ZNF26: variants seen among roughly 807,000 people sequenced by gnomAD.
The protein encoded by ZNF26 is zinc finger protein 26.
A neutral mutation model predicts 54.9 loss-of-function variants in ZNF26; 32 were observed. That is an observed-to-expected ratio of 0.58 (90% CI 0.44 to 0.78). The LOEUF (loss-of-function observed/expected upper bound fraction) is 0.78. Among genes scored for constraint, ZNF26 ranks in the 30% least tolerant of loss-of-function variants. The pLI is 0.00. For missense variants in ZNF26, 524 were observed against 634.0 expected (o/e 0.83, Z 1.86); for synonymous variants, 221 against 209.2 (o/e 1.06, Z -0.49).
In ZNF26 at chr12:133,011,088, TG is replaced by T; in HGVS notation, c.1212del (p.Lys405ArgfsTer37). The T allele has an allele frequency of 6.2e-7, 1 of 1,614,064 alleles. No homozygotes were observed. Among genetic ancestry groups the T allele is most frequent in the Non-Finnish European group, 8.5e-7 (1 of 1,179,990 alleles). Reference protein sequence around the residue: ...GEKPYGCSECGKAFSSKSYLV... With the variant: ...GEKPYGCSECXKAFSSKSYLV... ...AGAAGCCCTATGGATGCAGTGAATG[TG>T]GGAAGGCTTTCAGCAGCAAGTCATA... On this transcript the variant is annotated frameshift_variant, in exon 4 of 4. Coordinates refer to ENST00000328654, the MANE Select transcript of ZNF26 (RefSeq NM_019591.4). LOFTEE classifies it high-confidence loss of function.
rs1315619275 is a variant in ZNF26 at position 133,024,801 on chromosome 12, C to G, written c.*13320C>G. On this transcript the variant is annotated 3_prime_UTR_variant, in exon 4 of 4. Transcript: ENST00000328654. ...GGTCCCACAAAAGGCCCACTGAGAG[C>G]CCATAGTAGAGAAAGTCTTATTAAG... 3.9e-5 allele frequency: 6 copies of G among 152,040 alleles called. No homozygotes were observed. The highest frequency in any genetic ancestry group is 7.4e-5 in the Non-Finnish European group (5 of 68,008). 9.4% of individuals were successfully genotyped at this position (152,040 alleles called of 1,614,324 possible).
Position 133,011,904 on chromosome 12 carries a change from T to C in ZNF26, c.*423T>C, listed in dbSNP as rs367975688. ...GTATAAAGTTGTTTTTTTAAAAATA[T>C]GTAAATAATGTTCAGGAAAAACGCA... On this transcript the variant is annotated 3_prime_UTR_variant, in exon 4 of 4. Coordinates refer to ENST00000328654, the MANE Select transcript of ZNF26 (RefSeq NM_019591.4). 6.5e-6 allele frequency: 1 copy of C among 153,620 alleles called. No homozygotes were observed. Among genetic ancestry groups the C allele is most frequent in the African/African-American group, 2.4e-5 (1 of 41,460 alleles). The allele number at this position is 153,620 out of a possible 1,614,324, so 9.5% of individuals were successfully genotyped here. A position where few individuals can be genotyped will look rare whatever the true frequency, so the allele number is the denominator to read the frequency against.
At chr12:133,002,852 G>A (rs1953248654) in intron 1 of ZNF26, among the ~76,000 whole-genome samples, 1 of 151,938 alleles carries the variant, frequency 6.6e-6, no homozygotes, top group Non-Finnish European at 1.5e-5. Context: ...TCGAACTCCT[G>A]ACCTCAGGTG....
Position 133,001,192 on chromosome 12 carries a change from T to A in ZNF26, c.34-5850T>A, listed in dbSNP as rs1198355190. Among the ~76,000 whole-genome samples, 7 of 152,158 alleles carry A rather than the reference T, an allele frequency of 4.6e-5. No individual in the cohort carries two copies. Among genetic ancestry groups the A allele is most frequent in the Non-Finnish European group, 1.0e-4 (7 of 68,034 alleles). On this transcript the variant is annotated intron_variant, in intron 1 of 3. Coordinates refer to ENST00000328654, the MANE Select transcript of ZNF26 (RefSeq NM_019591.4). The surrounding 1 kb of genome is among the most constrained non-coding windows in gnomAD (Gnocchi z 4.7). ...CAGCCTCAGGCTTCCTGTCAGCCCT[T>A]CCCTAGTGCTCGTCGTGAGGAGAGC...
rs1422669599 is a variant in ZNF26, at chr12:133,000,488, G to A, written c.34-6554G>A. 3.0e-3 allele frequency among the ~76,000 whole-genome samples: 404 copies of A among 136,716 alleles called. 1 individual carries two copies. The highest frequency in any genetic ancestry group is 0.01 in the African/African-American group (377 of 36,320). 89.7% of individuals were successfully genotyped at this position (136,716 alleles called of 152,430 possible). A position where few individuals can be genotyped will look rare whatever the true frequency, so the allele number is the denominator to read the frequency against. On this transcript the variant is annotated intron_variant, in intron 1 of 3. Coordinates refer to ENST00000328654, the MANE Select transcript of ZNF26 (RefSeq NM_019591.4). ...CACCCAGGCTGGAGTGCAGTGGCAC[G>A]ATCTTGGCTCACTGCAAGCTCCGCC...
Position 133,017,490 on chromosome 12 carries a change from TCAATAGGGAGTGTA to T in ZNF26, c.*6012_*6025del, listed in dbSNP as rs1234500030. 1 of 149,932 alleles carries T rather than the reference TCAATAGGGAGTGTA, an allele frequency of 6.7e-6. No individual in the cohort carries two copies. The highest frequency in any genetic ancestry group is 2.5e-5 in the African/African-American group (1 of 39,322). The allele number at this position is 149,932 out of a possible 1,614,324, so 9.3% of individuals were successfully genotyped here. ...CAGACTTTTATCTGGTAGTGATTCC[TCAATAGGGAGTGTA>T]CACAGGTCCAAGAGCCAAGGAGTGG... On this transcript the variant is annotated 3_prime_UTR_variant, in exon 4 of 4. Coordinates refer to ENST00000328654, the MANE Select transcript of ZNF26 (RefSeq NM_019591.4).
chr12:133,026,210 T>A lies in ZNF26; in HGVS notation c.*14729T>A, dbSNP rs1181338451. On this transcript the variant is annotated 3_prime_UTR_variant, in exon 4 of 4. Coordinates refer to ENST00000328654, the MANE Select transcript of ZNF26 (RefSeq NM_019591.4). ...TCCTCCTACTGGGTTCAAGCAGTTCTCTGCCTCAGCCTCCCAAGTAGCTGG... is the reference window on the plus strand; with the variant it reads ...TCCTCCTACTGGGTTCAAGCAGTTCACTGCCTCAGCCTCCCAAGTAGCTGG... The A allele has an allele frequency of 1.3e-5, 2 of 151,984 alleles. No homozygotes were observed. Among genetic ancestry groups the A allele is most frequent in the Non-Finnish European group, 2.9e-5 (2 of 68,032 alleles). 9.4% of individuals were successfully genotyped at this position (151,984 alleles called of 1,614,324 possible).
chr12:132,986,942 G>A (rs1220029282), intron 1 of ZNF26, 69 bp downstream of exon 1: 1 of 1,503,490 alleles, frequency 6.7e-7, no homozygotes, highest in African/African-American at 1.4e-5. Context: ...TCTCTTCAGG[G>A]TTACTCCGGG....
chr12:133,000,586 A>C (rs1326096489), intron 1 of ZNF26, among the ~76,000 whole-genome samples: 1 of 151,714 alleles, frequency 6.6e-6, no homozygotes, highest in Non-Finnish European at 1.5e-5. Context: ...CACCACACCC[A>C]GCTAATTTTT....
chr12:132,987,148 G>A (rs1220031439), intron 1 of ZNF26, among the ~76,000 whole-genome samples: 7 of 152,190 alleles, frequency 4.6e-5, no homozygotes, highest in Non-Finnish European at 1.0e-4. Context: ...ATCATTTCAT[G>A]TTTTCTACAC....
intron 1 of ZNF26, among the ~76,000 whole-genome samples, chr12:132,993,184 C>G (rs1953001435): frequency 6.6e-6 from 1 of 151,700 alleles, no homozygotes; most frequent in African/African-American, 2.4e-5. Context: ...ACCACCGTGC[C>G]TAGCTAATTT....
At position 133,010,783 on chromosome 12, in the gene ZNF26, G is replaced by A. The variant is rs998922005; in HGVS notation, c.904G>A (p.Val302Ile). 1.9e-5 allele frequency: 31 copies of A among 1,613,528 alleles called. No individual in the cohort carries two copies. Among genetic ancestry groups the A allele is most frequent in the East Asian group, 6.7e-5 (3 of 44,850 alleles). Reference sequence around the variant, plus strand: ...AGCCTTTAGTTTGAAGTCTCCATTCGTTGTACACCAGAGAACTCATACAGG... The same window carrying A: ...AGCCTTTAGTTTGAAGTCTCCATTCATTGTACACCAGAGAACTCATACAGG... ...GKAFSLKSPF[V>I]VHQRTHTGVK... Residue 302 changes from valine to isoleucine, a missense_variant, in exon 4 of 4, where the codon GTT becomes ATT. By Grantham distance (29) the Val-to-Ile change is conservative. Transcript: ENST00000328654.
chr12:132,997,587 G>A (rs1162891193), intron 1 of ZNF26, among the ~76,000 whole-genome samples: 3 of 152,190 alleles, frequency 2.0e-5, no homozygotes, highest in Non-Finnish European at 4.4e-5. Flanking sequence ...ACGTTAGGTA[G>A]GGTGCCTGAT....
chr12:133,011,332 A>T lies in ZNF26; in HGVS notation c.1453A>T (p.Ser485Cys). Residue 485 changes from serine (S) to cysteine (C), a missense_variant, in exon 4 of 4, where the codon AGT (serine) becomes TGT (cysteine). Transcript: ENST00000328654. ...THSGEKPFKC[S>C]ECGKAFTQKS... is the part of the protein sequence containing the mutation. Reference sequence around the variant, plus strand: ...TTCGGGAGAGAAACCTTTTAAATGCAGTGAATGTGGAAAAGCCTTCACTCA... The same window carrying T: ...TTCGGGAGAGAAACCTTTTAAATGCTGTGAATGTGGAAAAGCCTTCACTCA... The T allele has an allele frequency of 6.2e-7, 1 of 1,614,110 alleles. No homozygotes were observed. Among genetic ancestry groups the T allele is most frequent in the South Asian group, 1.1e-5 (1 of 91,022 alleles).
chr12:132,988,411 T>A (rs11147197), intron 1 of ZNF26, among the ~76,000 whole-genome samples: 10,960 of 149,644 alleles, frequency 0.073, 1,390 homozygotes, highest in East Asian at 0.61. Context: ...AATTAAAAAT[T>A]TTTTTTTTTT....
intron 1 of ZNF26, among the ~76,000 whole-genome samples, chr12:132,987,376 T>G (rs1203859870): frequency 6.6e-6 from 1 of 152,026 alleles, no homozygotes. Context: ...CAATTACAGG[T>G]GAATGAATAG....
intron 1 of ZNF26, among the ~76,000 whole-genome samples, chr12:132,987,360 TG>T (rs1482329595): frequency 6.6e-6 from 1 of 152,170 alleles, no homozygotes; most frequent in Non-Finnish European, 1.5e-5. Flanking sequence ...TAGTGAACTA[TG>T]GACGCAATTA....
Position 133,025,549 on chromosome 12 carries a change from CCA to C in ZNF26, c.*14071_*14072del, listed in dbSNP as rs1953692825. ...AGTATCTCCTATCACACATTCTCTT[CCA>C]CAGTGTGCCTGCTATATATTTCTCC... On this transcript the variant is annotated 3_prime_UTR_variant, in exon 4 of 4. Coordinates refer to ENST00000328654, the MANE Select transcript of ZNF26 (RefSeq NM_019591.4). 6.6e-6 allele frequency: 1 copy of C among 152,242 alleles called. No individual in the cohort carries two copies. Among genetic ancestry groups the C allele is most frequent in the Non-Finnish European group, 1.5e-5 (1 of 68,074 alleles). The allele number at this position is 152,242 out of a possible 1,614,324, so 9.4% of individuals were successfully genotyped here.
At chr12:133,000,748 A>G (rs1953198352) in intron 1 of ZNF26, among the ~76,000 whole-genome samples, 1 of 151,952 alleles carries the variant, frequency 6.6e-6, no homozygotes, top group African/African-American at 2.4e-5. Flanking sequence ...TTAGTAGGAT[A>G]GGGTTTCACT....
Sources: gnomAD v4.1 joint callset for allele counts (sites outside exome capture counted in the v4.1 genomes callset) on GRCh38, gnomAD v4.1.1 for gene constraint, Gnocchi (gnomAD v3.1) non-coding constraint, MANE v1.5 for transcripts, NCBI Gene and HGNC (gene_info 2026-07-23, HGNC 2026-07-21) for gene names.